Variants in HS6ST3 observed in about 807,000 individuals in gnomAD.
HS6ST3 encodes heparan-sulfate 6-O-sulfotransferase 3.
In HS6ST3, 12 loss-of-function variants were observed where a neutral mutation model predicts 36.7. The observed-to-expected ratio is 0.33, with a 90% CI of 0.21 to 0.53. HS6ST3 has a LOEUF of 0.53. HS6ST3 is among the 20% of genes least tolerant of loss of function. The probability of loss-of-function intolerance (pLI) is 0.95; values close to 1 mark genes in which losing one functional copy is unlikely to be tolerated. For synonymous variants in HS6ST3, 240 were observed against 257.5 expected, an observed-to-expected ratio of 0.93 and a Z score of 0.65; for missense variants, 584 against 640.9, an observed-to-expected ratio of 0.91 and a Z score of 0.96.
chr13:96,127,772 C>T (rs756037730), intron 1 of HS6ST3, among the ~76,000 whole-genome samples: 2 of 152,186 alleles, frequency 1.3e-5, no homozygotes, highest in Admixed American at 6.5e-5. Flanking sequence ...TGCAGGATCT[C>T]ACACATTTCT....
At chr13:96,615,979 A>G (rs909508721) in intron 1 of HS6ST3, among the ~76,000 whole-genome samples, 1 of 152,246 alleles carries the variant, frequency 6.6e-6, no homozygotes. Context: ...AAGGATCAAA[A>G]TAATTACTTT....
intron 1 of HS6ST3, among the ~76,000 whole-genome samples, chr13:96,325,274 G>A (rs1162152867): frequency 6.6e-6 from 1 of 151,984 alleles, no homozygotes; most frequent in Non-Finnish European, 1.5e-5. Context: ...CTCCTTCAGC[G>A]TTTTCTAAGG....
At chr13:96,633,939 G>A (rs542093358) in intron 1 of HS6ST3, among the ~76,000 whole-genome samples, 2 of 152,114 alleles carry the variant, frequency 1.3e-5, no homozygotes, top group African/African-American at 4.8e-5. Flanking sequence ...AACATTTGGA[G>A]GTGGGGCCTT....
intron 1 of HS6ST3, among the ~76,000 whole-genome samples, chr13:96,637,819 C>A (rs1242465873): frequency 6.6e-6 from 1 of 151,950 alleles, no homozygotes; most frequent in African/African-American, 2.4e-5. Flanking sequence ...ATTTAAAGCC[C>A]AGGTTAAAAT....
At chr13:96,518,423 C>T (rs1450935527) in intron 1 of HS6ST3, among the ~76,000 whole-genome samples, 1 of 152,068 alleles carries the variant, frequency 6.6e-6, no homozygotes, top group African/African-American at 2.4e-5. Flanking sequence ...GTAATATATT[C>T]TATATATTAT....
chr13:96,652,118 C>A (rs1212213251), intron 1 of HS6ST3, among the ~76,000 whole-genome samples: 2 of 151,902 alleles, frequency 1.3e-5, no homozygotes, highest in African/African-American at 4.8e-5. Context: ...ATACACACAT[C>A]TGTGTATAAA....
intron 1 of HS6ST3, among the ~76,000 whole-genome samples, chr13:96,722,988 C>CGTGTGTGT (rs34651683): frequency 0.015 from 2,162 of 143,648 alleles, 49 homozygotes; most frequent in African/African-American, 0.042. Flanking sequence ...AAAAAATATA[C>CGTGTGTGT]GTGTGTGTGT....
chr13:96,242,812 C>G (rs1438899241), intron 1 of HS6ST3, among the ~76,000 whole-genome samples: 1 of 152,096 alleles, frequency 6.6e-6, no homozygotes, highest in African/African-American at 2.4e-5. Context: ...ATCCAACAGT[C>G]TCACCTCTGG....
intron 1 of HS6ST3, among the ~76,000 whole-genome samples, chr13:96,517,511 A>G (rs2056077322): frequency 6.6e-6 from 1 of 152,200 alleles, no homozygotes; most frequent in South Asian, 2.1e-4. Context: ...TTGGTCTTTT[A>G]TATTTTCCTT....
intron 1 of HS6ST3, among the ~76,000 whole-genome samples, chr13:96,583,633 C>T (rs1594812184): frequency 6.6e-6 from 1 of 152,126 alleles, no homozygotes; most frequent in African/African-American, 2.4e-5. Context: ...AAGTTTAGCT[C>T]CTTTACCCTT....
intron 1 of HS6ST3, among the ~76,000 whole-genome samples, chr13:96,205,586 C>T (rs61526374): frequency 6.6e-6 from 1 of 152,074 alleles, no homozygotes; most frequent in Admixed American, 6.6e-5. Flanking sequence ...CAATGAAATA[C>T]TACAAATTGA....
chr13:96,205,332 C>T (rs4773942), intron 1 of HS6ST3, among the ~76,000 whole-genome samples: 75,543 of 151,834 alleles, frequency 0.5, 18,947 homozygotes, highest in Admixed American at 0.58. Context: ...GAGACAGTAG[C>T]AAATAGCCTA....
At chr13:96,588,088 T>A (rs900868519) in intron 1 of HS6ST3, among the ~76,000 whole-genome samples, 1 of 152,190 alleles carries the variant, frequency 6.6e-6, no homozygotes, top group African/African-American at 2.4e-5. Context: ...TTATTTTTGT[T>A]TGCTGATTTT....
chr13:96,634,890 TAG>T, intron 1 of HS6ST3, among the ~76,000 whole-genome samples: 1 of 151,994 alleles, frequency 6.6e-6, no homozygotes, highest in Non-Finnish European at 1.5e-5. Context: ...TTTGAGTCAT[TAG>T]GTTTAATCTT....
chr13:96,773,080 C>G (rs1877304068), intron 1 of HS6ST3, among the ~76,000 whole-genome samples: 1 of 152,170 alleles, frequency 6.6e-6, no homozygotes, highest in Non-Finnish European at 1.5e-5. Flanking sequence ...ACTCCCTCCC[C>G]TAGCCAAGGG....
At chr13:96,416,064 GT>G (rs1433232112) in intron 1 of HS6ST3, among the ~76,000 whole-genome samples, 1 of 152,202 alleles carries the variant, frequency 6.6e-6, no homozygotes, top group Non-Finnish European at 1.5e-5. Flanking sequence ...ACAGCCTGCT[GT>G]TTCTGCTATT....
chr13:96,413,527 A>G (rs574031808), intron 1 of HS6ST3, among the ~76,000 whole-genome samples: 2 of 152,318 alleles, frequency 1.3e-5, no homozygotes, highest in African/African-American at 4.8e-5. Flanking sequence ...AAATATTAAG[A>G]TTGAGAATTT....
intron 1 of HS6ST3, among the ~76,000 whole-genome samples, chr13:96,562,651 G>A (rs1166215135): frequency 6.6e-6 from 1 of 152,050 alleles, no homozygotes; most frequent in African/African-American, 2.4e-5. Context: ...GACTGACAAA[G>A]GAAGTTGAAT....
At chr13:96,445,270 A>G (rs1277508617) in intron 1 of HS6ST3, among the ~76,000 whole-genome samples, 2 of 152,222 alleles carry the variant, frequency 1.3e-5, no homozygotes, top group Non-Finnish European at 2.9e-5. Context: ...AATTTTTATG[A>G]AATAAAACAA....
Sources: gnomAD v4.1 joint callset for allele counts (sites outside exome capture counted in the v4.1 genomes callset) on GRCh38, gnomAD v4.1.1 for gene constraint, MANE v1.5 for transcripts, NCBI Gene and HGNC (gene_info 2026-07-23, HGNC 2026-07-21) for gene names.